MKS1: variants seen among roughly 807,000 people sequenced by gnomAD.
MKS1 encodes MKS transition zone complex subunit 1.
In MKS1, 70 loss-of-function variants were observed where a neutral mutation model predicts 83.7. The ratio of observed to expected loss-of-function variants is 0.84; its 90% CI spans 0.69 to 1.02. The LOEUF is 1.02. MKS1 is among the 50% of genes least tolerant of loss of function. The pLI, the probability that MKS1 is intolerant of heterozygous loss-of-function variation, is 0.00. For synonymous variants in MKS1, 251 were observed against 273.4 expected (o/e 0.92, Z 0.81); for missense variants, 681 against 726.9 (o/e 0.94, Z 0.73).
intron 9 of MKS1, among the ~76,000 whole-genome samples, chr17:58,211,581 CAG>C (rs1285681096): frequency 2.0e-5 from 3 of 151,584 alleles, no homozygotes; most frequent in Non-Finnish European, 4.4e-5. Context: ...CTTTTTTTTT[CAG>C]ACAGGGTCTT....
intron 9 of MKS1, among the ~76,000 whole-genome samples, chr17:58,211,351 G>C (rs1289348021): frequency 6.6e-6 from 1 of 152,170 alleles, no homozygotes; most frequent in African/African-American, 2.4e-5. Flanking sequence ...CAAGAAACCA[G>C]GGAGTTTTCT....
In MKS1 at chr17:58,214,276, G is replaced by T; in HGVS notation, c.627C>A (p.Asp209Glu). 1.9e-6 allele frequency: 3 copies of T among 1,614,116 alleles called. No homozygotes were observed. Among genetic ancestry groups the T allele is most frequent in the Non-Finnish European group, 2.5e-6 (3 of 1,180,006 alleles). Residue 209 changes from aspartate to glutamate, a missense_variant, in exon 6 of 18, where the codon GAC (aspartate) becomes GAA (glutamate). Physicochemically the swap from Asp to Glu is conservative, Grantham distance 45. Coordinates refer to ENST00000393119, the MANE Select transcript of MKS1 (RefSeq NM_017777.4). ...TPLQTMHIMA[D>E]LGPYKKLGYK... is the part of the protein sequence containing the mutation. Reference sequence around the variant, plus strand: ...CCACTCACTTTTTATAGGGCCCCAGGTCTGCCATGATGTGCATTGTCTGAA... The same window carrying T: ...CCACTCACTTTTTATAGGGCCCCAGTTCTGCCATGATGTGCATTGTCTGAA...
At chr17:58,206,602 C>T in intron 15 of MKS1, 55 bp from the exon 16 acceptor site, 1 of 1,521,452 alleles carries the variant, frequency 6.6e-7, no homozygotes, top group Non-Finnish European at 9.0e-7. Flanking sequence ...GACACCCCCG[C>T]ACCATGCTGG....
Position 58,216,254 on chromosome 17 carries a change from C to T in MKS1, c.262-11G>A. 1.2e-6 allele frequency: 2 copies of T among 1,610,428 alleles called. No homozygotes were observed. Among genetic ancestry groups the T allele is most frequent in the Non-Finnish European group, 1.7e-6 (2 of 1,179,730 alleles). ...CAGATCTACTTCAAACTGAGGTTACCATAAGGAAACAGAGATGTGTACATC... is the reference window on the plus strand; with the variant it reads ...CAGATCTACTTCAAACTGAGGTTACTATAAGGAAACAGAGATGTGTACATC... On this transcript the variant is annotated splice_polypyrimidine_tract_variant and intron_variant, in intron 3 of 17. Transcript: ENST00000393119.
chr17:58,212,297 G>C, intron 9 of MKS1, 81 bp downstream of exon 9: 2 of 1,508,742 alleles, frequency 1.3e-6, no homozygotes, highest in Non-Finnish European at 1.8e-6. Context: ...GGGCCTTTAA[G>C]AGAGGTAGTG....
In MKS1 at chr17:58,208,012, G is replaced by A. The variant is rs1291753612; in HGVS notation, c.1166-11C>T. On this transcript the variant is annotated splice_polypyrimidine_tract_variant and intron_variant, in intron 13 of 17. Coordinates refer to ENST00000393119, the MANE Select transcript of MKS1 (RefSeq NM_017777.4). The stretch of plus-strand genomic sequence containing the variant: ...ACTCCGGGAGTGCATCTGGGAGCAA[G>A]GAGAGAAGCGGCCAGGTCACAGGCG... 2.1e-5 allele frequency: 34 copies of A among 1,613,118 alleles called. No individual in the cohort carries two copies. The highest frequency in any genetic ancestry group is 2.6e-5 in the Non-Finnish European group (31 of 1,179,244).
At chr17:58,206,848 G>T in intron 15 of MKS1, 1 of 645,504 alleles carries the variant, frequency 1.5e-6, no homozygotes, top group Non-Finnish European at 2.7e-6. Context: ...CAGTTATTCT[G>T]ATGGGAACCA....
chr17:58,207,464 G>A (rs1368052497), intron 14 of MKS1: 2 of 588,986 alleles, frequency 3.4e-6, no homozygotes, highest in Non-Finnish European at 6.0e-6. Flanking sequence ...CCTCTCTGAA[G>A]CTCATTCTCC....
At chr17:58,206,595 A>AC (rs1968528195) in intron 15 of MKS1, 48 bp from the exon 16 acceptor site, 3 of 1,541,126 alleles carry the variant, frequency 1.9e-6, no homozygotes, top group African/African-American at 2.7e-5. Flanking sequence ...CTCTCTAGAC[A>AC]CCCCCGCACC....
chr17:58,210,894 CCT>C, intron 10 of MKS1, 84 bp downstream of exon 10: 2 of 1,513,712 alleles, frequency 1.3e-6, no homozygotes, highest in Non-Finnish European at 1.8e-6. Flanking sequence ...GCAGACAAGG[CCT>C]CTACCAGAGT....
chr17:58,207,104 C>T lies in MKS1; in HGVS notation c.1388G>A (p.Arg463Gln), dbSNP rs201619500. 2.6e-3 allele frequency: 4,211 copies of T among 1,614,132 alleles called. 18 individuals are homozygous for T. The highest frequency in any genetic ancestry group is 2.8e-3 in the Non-Finnish European group (3,246 of 1,180,022). ...SLELEDLSYV[R>Q]IPGSFKGERL... ...AGTCACCTTGAAGGATCCTGGTATC[C>T]GTACATAGGAGAGGTCCTCCAGTTC... is the stretch of plus-strand genomic sequence containing the variant. Residue 463 changes from arginine to glutamine, a missense_variant, in exon 15 of 18, where the codon CGG (arginine) becomes CAG (glutamine). Physicochemically the swap from Arg to Gln is conservative, Grantham distance 43. Coordinates refer to ENST00000393119, the MANE Select transcript of MKS1 (RefSeq NM_017777.4).
At chr17:58,218,485 CA>C (rs1969388666) in intron 2 of MKS1, 134 bp downstream of exon 2, 3 of 239,916 alleles carry the variant, frequency 1.3e-5, no homozygotes, top group South Asian at 1.0e-4. Context: ...AAAAAAGCCA[CA>C]AATAGAATGT....
rs1158449280 is a variant in MKS1, at chr17:58,205,803, C to T, written c.*276G>A. On this transcript the variant is annotated 3_prime_UTR_variant, in exon 18 of 18. Coordinates refer to ENST00000393119, the MANE Select transcript of MKS1 (RefSeq NM_017777.4). Reference sequence around the variant, plus strand: ...AGACTCACTATGGGGTCACCCCAAACAGCTTCAGATCAAAAAGCCTGCCTT... The same window carrying T: ...AGACTCACTATGGGGTCACCCCAAATAGCTTCAGATCAAAAAGCCTGCCTT... 1 of 1,437,162 alleles carries T rather than the reference C, an allele frequency of 7.0e-7. No individual in the cohort carries two copies. Among genetic ancestry groups the T allele is most frequent in the Non-Finnish European group, 9.2e-7 (1 of 1,086,666 alleles). The allele number at this position is 1,437,162 out of a possible 1,614,324, so 89.0% of individuals were successfully genotyped here.
chr17:58,212,869 G>T, intron 8 of MKS1, 113 bp downstream of exon 8: 2 of 974,556 alleles, frequency 2.1e-6, no homozygotes, highest in Non-Finnish European at 3.3e-6. Flanking sequence ...GTCAGAAGGG[G>T]CCATGAAGGG....
At chr17:58,210,249 T>C (rs1968792998) in intron 11 of MKS1, among the ~76,000 whole-genome samples, 1 of 151,974 alleles carries the variant, frequency 6.6e-6, no homozygotes, top group Non-Finnish European at 1.5e-5. Context: ...CTGAGACGTA[T>C]TGATGGTATT....
rs1171208618 is a variant in MKS1, at chr17:58,207,094, T to C, written c.1398A>G (p.Gly466=). Residue 466 remains glycine, a synonymous_variant, in exon 15 of 18, where the codon GGA becomes GGG. Transcript: ENST00000393119. The part of the protein sequence containing the change: ...LEDLSYVRIP[G]SFKGERLSRF... ...CAAAGACAAAAGTCACCTTGAAGGA[T>C]CCTGGTATCCGTACATAGGAGAGGT... The C allele has an allele frequency of 6.2e-7, 1 of 1,614,142 alleles. No homozygotes were observed. The highest frequency in any genetic ancestry group is 1.1e-5 in the South Asian group (1 of 91,088).
chr17:58,212,259 T>C, intron 9 of MKS1, 119 bp downstream of exon 9: 1 of 1,213,878 alleles, frequency 8.2e-7, no homozygotes, highest in Admixed American at 1.7e-5. Context: ...TTCTTTGACT[T>C]CCTTTTCACA....
At position 58,218,719 on chromosome 17, in the gene MKS1, G is replaced by C. The variant is rs1214897554; in HGVS notation, c.91C>G (p.Gln31Glu). Residue 31 changes from glutamine to glutamate, a missense_variant, in exon 2 of 18, where the codon CAA becomes GAA. By Grantham distance (29) the Gln-to-Glu change is conservative (BLOSUM62 2). Coordinates refer to ENST00000393119, the MANE Select transcript of MKS1 (RefSeq NM_017777.4). ...AGAAAGTTGCTTGATGTGATTCTTT[G>C]CAGGTGGACTCTGTCAAGAAAAGCC... ...VRNLRLRVHL[Q>E]RITSSNFLHY... 6.2e-7 allele frequency: 1 copy of C among 1,613,512 alleles called. No individual in the cohort carries two copies. Among genetic ancestry groups the C allele is most frequent in the African/African-American group, 1.3e-5 (1 of 74,890 alleles).
In MKS1 at chr17:58,213,018, C is replaced by T. The variant is rs375557871; in HGVS notation, c.822G>A (p.Pro274=). The change falls in exon 8 of 18, where the codon CCG becomes CCA. Residue 274 remains proline (P), a synonymous_variant. Transcript: ENST00000393119. ...TIDNVSPHAQ[P]EEEERERRVF... ...CTCGCCGTTCCCGCTCCTCCTCCTC[C>T]GGCTGTGCGTGGGGGGAAACATTGT... The T allele has an allele frequency of 1.7e-5, 28 of 1,614,032 alleles. No individual in the cohort carries two copies. The highest frequency in any genetic ancestry group is 8.0e-5 in the African/African-American group (6 of 74,894).
Sources: allele counts gnomAD v4.1 joint callset (sites outside exome capture counted in the v4.1 genomes callset), GRCh38; gene constraint gnomAD v4.1.1; transcripts MANE v1.5; gene names NCBI Gene and HGNC (gene_info 2026-07-23, HGNC 2026-07-21).